CRTAC1: variants seen among roughly 807,000 people sequenced by gnomAD.
CRTAC1 encodes acidic secreted protein in cartilage.
CRTAC1 carries 37 observed loss-of-function variants against 67.8 expected under a neutral mutation model. The observed-to-expected ratio is 0.55, with a 90% CI of 0.42 to 0.72. CRTAC1 has a LOEUF of 0.72. Ranked by LOEUF, CRTAC1 falls within the 30% of genes least tolerant of loss-of-function variation. The probability of loss-of-function intolerance (pLI) is 0.00; values close to 1 mark genes in which losing one functional copy is unlikely to be tolerated. For missense variants in CRTAC1, 780 were observed against 931.6 expected (o/e 0.84, Z 2.12); for synonymous variants, 348 against 371.0 (o/e 0.94, Z 0.71).
chr10:97,976,585 A>C (rs1380371625), intron 2 of CRTAC1, among the ~76,000 whole-genome samples: 1 of 152,218 alleles, frequency 6.6e-6, no homozygotes, highest in Non-Finnish European at 1.5e-5. Context: ...CATCGCAGCA[A>C]TTTTTAGTTT....
At chr10:97,924,347 G>A (rs2050883567) in intron 3 of CRTAC1, among the ~76,000 whole-genome samples, 1 of 152,208 alleles carries the variant, frequency 6.6e-6, no homozygotes. Context: ...GGGCTGGACA[G>A]GAAACACAGG....
intron 2 of CRTAC1, among the ~76,000 whole-genome samples, chr10:97,993,807 G>A (rs1219474818): frequency 6.6e-6 from 1 of 152,186 alleles, no homozygotes; most frequent in Non-Finnish European, 1.5e-5. Flanking sequence ...AATCTAATGT[G>A]AGAGGAGAAA....
chr10:97,931,588 G>A (rs2051004851), intron 3 of CRTAC1, among the ~76,000 whole-genome samples: 1 of 152,230 alleles, frequency 6.6e-6, no homozygotes, highest in South Asian at 2.1e-4. Context: ...GGAACCATGA[G>A]TTGGGCATGC....
chr10:97,995,236 C>G (rs139374074), intron 2 of CRTAC1, among the ~76,000 whole-genome samples: 5 of 152,282 alleles, frequency 3.3e-5, no homozygotes, highest in Middle Eastern at 3.4e-3. Context: ...GGACCACAGT[C>G]TGGCCTGGCT....
At chr10:97,916,342 G>A (rs767659638) in intron 5 of CRTAC1, among the ~76,000 whole-genome samples, 5 of 152,150 alleles carry the variant, frequency 3.3e-5, no homozygotes, top group Non-Finnish European at 5.9e-5. Context: ...ACCTTCACGC[G>A]CGGAGCTCTC....
At position 97,901,507 on chromosome 10, in the gene CRTAC1, A is replaced by G. The variant is rs1405757118; in HGVS notation, c.1129T>C (p.Phe377Leu). The G allele has an allele frequency of 6.2e-7, 1 of 1,614,136 alleles. No homozygotes were observed. Among genetic ancestry groups the G allele is most frequent in the South Asian group, 1.1e-5 (1 of 91,072 alleles). ...AYRSSSANRL[F>L]RVIRREHGDP... is the part of the protein sequence containing the mutation. ...GAGCCAGGATGGAGCATCTACCGGA[A>G]GAGGCGGTTGGCTGAGGAGCTGCGG... is the stretch of plus-strand genomic sequence containing the variant. Residue 377 changes from phenylalanine to leucine, a missense_variant, in exon 8 of 15, where the codon TTC (phenylalanine) becomes CTC (leucine). Coordinates refer to ENST00000370597, the MANE Select transcript of CRTAC1 (RefSeq NM_018058.7).
intron 2 of CRTAC1, among the ~76,000 whole-genome samples, chr10:97,972,126 G>A (rs896775483): frequency 3.3e-5 from 5 of 152,146 alleles, no homozygotes; most frequent in African/African-American, 1.2e-4. Flanking sequence ...AGAAAACCCA[G>A]CCTGGGGCAG....
intron 2 of CRTAC1, among the ~76,000 whole-genome samples, chr10:97,978,947 C>T (rs1038019829): frequency 5.9e-5 from 9 of 152,106 alleles, no homozygotes; most frequent in Admixed American, 5.9e-4. Context: ...TGCATCTTGC[C>T]CAGTGATTTG....
intron 5 of CRTAC1, among the ~76,000 whole-genome samples, chr10:97,913,033 G>A (rs1195408986): frequency 6.6e-6 from 1 of 152,152 alleles, no homozygotes; most frequent in Non-Finnish European, 1.5e-5. Context: ...TGAATGCCAT[G>A]ATTCGCAGGC....
At chr10:97,972,693 C>T (rs1417821660) in intron 2 of CRTAC1, among the ~76,000 whole-genome samples, 1 of 152,124 alleles carries the variant, frequency 6.6e-6, no homozygotes, top group African/African-American at 2.4e-5. Flanking sequence ...GAAATGGTTG[C>T]ATAAATTATA....
chr10:97,911,631 G>A (rs2050689657), intron 5 of CRTAC1, among the ~76,000 whole-genome samples: 1 of 152,212 alleles, frequency 6.6e-6, no homozygotes, highest in Non-Finnish European at 1.5e-5. Context: ...CCTCACTGAT[G>A]CCATAGGGAA....
Position 97,896,872 on chromosome 10 carries a change from G to C in CRTAC1, c.1216+37C>G, listed in dbSNP as rs989983021. ...ACCCCAGTGTATGAACAGTGCTAAG[G>C]GGGCAGTGCAGGCCAGATCCCCCAG... On this transcript the variant is annotated intron_variant, in intron 9 of 14. Transcript: ENST00000370597. 9.9e-6 allele frequency: 13 copies of C among 1,309,326 alleles called. No individual in the cohort carries two copies. In the South Asian group the frequency reaches 1.2e-4, roughly 12 times the overall value. 81.1% of individuals were successfully genotyped at this position (1,309,326 alleles called of 1,614,324 possible).
At chr10:97,918,293 T>C (rs1473570748) in intron 4 of CRTAC1, among the ~76,000 whole-genome samples, 1 of 152,226 alleles carries the variant, frequency 6.6e-6, no homozygotes, top group Non-Finnish European at 1.5e-5. Flanking sequence ...AAGATTTGCT[T>C]TTCCCTTTGC....
rs77413298 is a variant in CRTAC1 at position 97,973,414 on chromosome 10, G to A, written c.225-37048C>T. Among the ~76,000 whole-genome samples the A allele has an allele frequency of 4.7e-3, 698 of 149,796 alleles. 13 individuals carry two copies. The highest frequency in any genetic ancestry group is 0.034 in the Admixed American group (507 of 14,966). ...ACCCCGGCCCCCTTTTCTGCCTAGT[G>A]ATTTCCTACTTATGTTTCAACAGCC... On this transcript the variant is annotated intron_variant, in intron 2 of 14. Transcript: ENST00000370597.
intron 1 of CRTAC1, among the ~76,000 whole-genome samples, chr10:98,015,263 T>C (rs953308758): frequency 2.6e-5 from 4 of 152,196 alleles, no homozygotes; most frequent in Non-Finnish European, 5.9e-5. Context: ...GGACAAACAC[T>C]GTATGTTCCA....
chr10:97,899,304 C>T (rs1277695992), intron 8 of CRTAC1, among the ~76,000 whole-genome samples: 1 of 152,190 alleles, frequency 6.6e-6, no homozygotes, highest in Non-Finnish European at 1.5e-5. Flanking sequence ...AACACACTAA[C>T]CCATTGGGCA....
chr10:97,915,640 C>G (rs1370306137), intron 5 of CRTAC1, among the ~76,000 whole-genome samples: 1 of 151,914 alleles, frequency 6.6e-6, no homozygotes, highest in East Asian at 1.9e-4. Context: ...GTGGGGGACA[C>G]TCCGGGCTAG....
chr10:97,886,822 T>G (rs1190491581), intron 11 of CRTAC1, among the ~76,000 whole-genome samples: 1 of 151,996 alleles, frequency 6.6e-6, no homozygotes, highest in Non-Finnish European at 1.5e-5. Flanking sequence ...TTTTTGTATT[T>G]TTAGTAGAGA....
chr10:97,936,382 G>A lies in CRTAC1; in HGVS notation c.225-16C>T. On this transcript the variant is annotated splice_polypyrimidine_tract_variant and intron_variant, in intron 2 of 14. Transcript: ENST00000370597. ...TCCATTGTACCTGGAGGAGGAATGG[G>A]GAGGGGATGCTGGGGAGGAGCCGCT... is the stretch of plus-strand genomic sequence containing the variant. The A allele has an allele frequency of 1.9e-6, 3 of 1,592,942 alleles. No homozygotes were observed. The highest frequency in any genetic ancestry group is 2.6e-6 in the Non-Finnish European group (3 of 1,164,152).
Sources: gnomAD v4.1 joint callset for allele counts (sites outside exome capture counted in the v4.1 genomes callset) on GRCh38, gnomAD v4.1.1 for gene constraint, MANE v1.5 for transcripts, NCBI Gene and HGNC (gene_info 2026-07-23, HGNC 2026-07-21) for gene names.